PHKA1: variants seen among roughly 807,000 people sequenced by gnomAD.
PHKA1 encodes the protein phosphorylase kinase regulatory subunit alpha 1, also known as phosphorylase b kinase regulatory subunit alpha, skeletal muscle isoform.
In PHKA1, 60 loss-of-function variants were observed where a neutral mutation model predicts 110.2. The ratio of observed to expected loss-of-function variants is 0.54; its 90% CI spans 0.44 to 0.68. The LOEUF (loss-of-function observed/expected upper bound fraction) is 0.68. PHKA1 is among the 30% of genes least tolerant of loss of function. The pLI, the probability that PHKA1 is intolerant of heterozygous loss-of-function variation, is 0.00. For missense variants in PHKA1, 801 were observed against 942.5 expected (o/e 0.85, Z 1.97); for synonymous variants, 316 against 333.6 (o/e 0.95, Z 0.58).
chrX:72,638,496 T>A (rs1208973391), intron 14 of PHKA1, among the ~76,000 whole-genome samples: 1 of 111,057 alleles, frequency 9.0e-6, no homozygotes, highest in African/African-American at 3.3e-5. Flanking sequence ...TTCTAAGTCA[T>A]GTCTTCTTTT....
chrX:72,599,985 C>A, intron 28 of PHKA1: 1 of 355,473 alleles, frequency 2.8e-6, no homozygotes. Context: ...GTAGTCAGCA[C>A]ATAATCATTA....
chrX:72,703,417 G>T (rs1603275763), intron 3 of PHKA1, among the ~76,000 whole-genome samples: 1 of 112,190 alleles, frequency 8.9e-6, no homozygotes. Flanking sequence ...GGTGGCTCAT[G>T]CCTATAATCC....
Position 72,593,177 on chromosome X carries a change from C to T in PHKA1, c.3170G>A (p.Arg1057Gln), listed in dbSNP as rs184743934. The T allele has an allele frequency of 1.3e-5, 16 of 1,192,281 alleles. No individual in the cohort carries two copies. The highest frequency in any genetic ancestry group is 6.6e-5 in the Admixed American group (3 of 45,777). Reference protein sequence around the residue: ...KDSRQGQWQRRRRLDGALNRV... With the variant: ...KDSRQGQWQRQRRLDGALNRV... ...ATTCAGTGCCCCATCCAGCCTTCTT[C>T]GGCGTTGCCATTGACCTTGACGACT... Residue 1057 changes from arginine to glutamine, a missense_variant, in exon 29 of 32, where the codon CGA becomes CAA. Coordinates refer to ENST00000373542, the MANE Select transcript of PHKA1 (RefSeq NM_002637.4).
chrX:72,669,554 C>T (rs1403625069), intron 6 of PHKA1, among the ~76,000 whole-genome samples: 1 of 78,415 alleles, frequency 1.3e-5, no homozygotes, highest in Non-Finnish European at 2.4e-5. Flanking sequence ...CAACAGGCCC[C>T]GGTGTATGAT....
At chrX:72,681,691 TG>T (rs2053878067) in intron 5 of PHKA1, among the ~76,000 whole-genome samples, 1 of 59,549 alleles carries the variant, frequency 1.7e-5, no homozygotes, top group Non-Finnish European at 3.0e-5. Context: ...GCCCCCCACC[TG>T]GCCAGCCGCC....
chrX:72,589,575 C>T (rs976381968), intron 29 of PHKA1, among the ~76,000 whole-genome samples: 8 of 111,082 alleles, frequency 7.2e-5, no homozygotes, highest in Non-Finnish European at 1.3e-4. Context: ...AAGTTCTGGA[C>T]AGGGCAATCA....
intron 18 of PHKA1, chrX:72,622,503 G>T (rs1556279053): frequency 1.5e-5 from 11 of 751,939 alleles, no homozygotes; most frequent in Non-Finnish European, 1.7e-5. Flanking sequence ...TAACACTGTA[G>T]GGTAGTGTTG....
At chrX:72,609,755 C>A (rs782663289) in intron 22 of PHKA1, 52 bp from the exon 23 acceptor site, 5 of 885,479 alleles carry the variant, frequency 5.6e-6, no homozygotes, top group Middle Eastern at 5.4e-4. Flanking sequence ...CAGGTTTCCA[C>A]AAACATTTCT....
intron 2 of PHKA1, among the ~76,000 whole-genome samples, chrX:72,706,425 A>G (rs1255443691): frequency 8.9e-6 from 1 of 112,022 alleles, no homozygotes; most frequent in Non-Finnish European, 1.9e-5. Context: ...GATGCTAATG[A>G]AAGAGTCCAT....
chrX:72,670,950 C>T (rs1396724941), intron 6 of PHKA1, among the ~76,000 whole-genome samples: 2 of 111,592 alleles, frequency 1.8e-5, no homozygotes, highest in Non-Finnish European at 3.8e-5. Flanking sequence ...ATAATAAGAG[C>T]TATCTATGAC....
At chrX:72,654,533 G>C (rs1556300341) in intron 10 of PHKA1, among the ~76,000 whole-genome samples, 1 of 111,519 alleles carries the variant, frequency 9.0e-6, no homozygotes. Context: ...TATGTAGTGG[G>C]CATGAGAGCC....
intron 13 of PHKA1, among the ~76,000 whole-genome samples, chrX:72,645,596 C>A (rs1399180271): frequency 8.9e-6 from 1 of 111,839 alleles, no homozygotes; most frequent in Admixed American, 9.5e-5. Flanking sequence ...GAAAAATATG[C>A]AGAGGAAGAA....
At chrX:72,667,652 T>C (rs2053629448) in intron 6 of PHKA1, among the ~76,000 whole-genome samples, 179 bp from the exon 7 acceptor site, 1 of 112,237 alleles carries the variant, frequency 8.9e-6, no homozygotes, top group African/African-American at 3.2e-5. Context: ...TTGTCTCCCA[T>C]ATTGTCTCAG....
chrX:72,626,445 G>T (rs997026490), intron 17 of PHKA1, among the ~76,000 whole-genome samples: 1 of 110,263 alleles, frequency 9.1e-6, no homozygotes, highest in Non-Finnish European at 1.9e-5. Context: ...GCAAAGAACA[G>T]GGTAGGAAAA....
At chrX:72,694,285 T>G (rs781808678) in intron 4 of PHKA1, among the ~76,000 whole-genome samples, 16 of 112,488 alleles carry the variant, frequency 1.4e-4, no homozygotes, top group Non-Finnish European at 2.4e-4. Flanking sequence ...CTAACTAGTC[T>G]GCCATCTTAA....
chrX:72,617,042 A>C (rs2052907957), intron 21 of PHKA1, among the ~76,000 whole-genome samples: 1 of 112,066 alleles, frequency 8.9e-6, no homozygotes, highest in African/African-American at 3.2e-5. Context: ...TGCATATATC[A>C]AAAAGTATAA....
intron 28 of PHKA1, among the ~76,000 whole-genome samples, chrX:72,601,790 C>A (rs1414897363): frequency 9.0e-6 from 1 of 111,376 alleles, no homozygotes; most frequent in East Asian, 2.8e-4. Flanking sequence ...TTATCAGATG[C>A]AAGTTACTTT....
chrX:72,602,611 A>T (rs1351575302), intron 26 of PHKA1, among the ~76,000 whole-genome samples: 1 of 111,782 alleles, frequency 8.9e-6, no homozygotes, highest in Admixed American at 9.5e-5. Context: ...CCTAACCTTG[A>T]AAGTTGAGCA....
chrX:72,709,942 T>G (rs1244753571), intron 2 of PHKA1, among the ~76,000 whole-genome samples: 2 of 104,068 alleles, frequency 1.9e-5, no homozygotes, highest in Non-Finnish European at 3.9e-5. Context: ...ACTGTGAGGC[T>G]GAGGCAGGAG....
Sources: allele counts gnomAD v4.1 joint callset (sites outside exome capture counted in the v4.1 genomes callset), GRCh38; gene constraint gnomAD v4.1.1; transcripts MANE v1.5; gene names NCBI Gene and HGNC (gene_info 2026-07-23, HGNC 2026-07-21).